Variants in ATP1B3 observed in about 807,000 individuals in gnomAD.
ATP1B3 encodes ATPase Na+/K+ transporting subunit beta 3, also known as sodium/potassium-transporting ATPase subunit beta-3.
A neutral mutation model predicts 30.2 loss-of-function variants in ATP1B3; 10 were observed. That is an observed-to-expected ratio of 0.33 (90% CI 0.20 to 0.56). The LOEUF (loss-of-function observed/expected upper bound fraction) is 0.56. Ranked by LOEUF, ATP1B3 falls within the 20% of genes least tolerant of loss-of-function variation. ATP1B3 has a pLI of 0.90. For missense variants in ATP1B3, 238 were observed against 336.7 expected, an observed-to-expected ratio of 0.71 and a Z score of 2.29; for synonymous variants, 113 against 117.0, an observed-to-expected ratio of 0.97 and a Z score of 0.22.
chr3:141,910,674 T>A (rs138928160), intron 3 of ATP1B3, among the ~76,000 whole-genome samples: 2 of 152,150 alleles, frequency 1.3e-5, no homozygotes, highest in Non-Finnish European at 2.9e-5. Flanking sequence ...CCTGCTGCAC[T>A]CTACTGTTTC....
intron 3 of ATP1B3, among the ~76,000 whole-genome samples, chr3:141,909,123 A>G (rs1385217178): frequency 6.6e-6 from 1 of 152,160 alleles, no homozygotes; most frequent in African/African-American, 2.4e-5. Context: ...TTCTGATCCC[A>G]CATTATCTAC....
chr3:141,900,277 A>G (rs1576394312), intron 1 of ATP1B3, among the ~76,000 whole-genome samples: 1 of 152,194 alleles, frequency 6.6e-6, no homozygotes, highest in East Asian at 1.9e-4. Context: ...AGACTGAGCT[A>G]TATTGTGTGG....
At chr3:141,924,962 T>TTAA (rs762256554) in intron 6 of ATP1B3, among the ~76,000 whole-genome samples, 30 of 150,678 alleles carry the variant, frequency 2.0e-4, no homozygotes, top group South Asian at 1.1e-3. Context: ...CACAAAAAAA[T>TTAA]TAATAATAAT....
At chr3:141,916,294 T>A (rs987467486) in intron 5 of ATP1B3, 1 of 490,002 alleles carries the variant, frequency 2.0e-6, no homozygotes, top group African/African-American at 1.9e-5. Context: ...TTCTGCCAGC[T>A]CAGTAACACT....
intron 5 of ATP1B3, 180 bp from the exon 6 acceptor site, chr3:141,921,797 A>G: frequency 8.8e-6 from 4 of 453,026 alleles, no homozygotes; most frequent in Non-Finnish European, 1.6e-5. Flanking sequence ...TTAGTTAGAT[A>G]ATATTTGCAA....
At chr3:141,903,964 A>G (rs1325557677) in intron 2 of ATP1B3, among the ~76,000 whole-genome samples, 1 of 152,062 alleles carries the variant, frequency 6.6e-6, no homozygotes, top group Non-Finnish European at 1.5e-5. Context: ...TTGTATTTTT[A>G]GTAGAGACAG....
intron 3 of ATP1B3, among the ~76,000 whole-genome samples, chr3:141,907,973 C>CT (rs34496773): frequency 8.7e-5 from 12 of 137,532 alleles, no homozygotes; most frequent in East Asian, 2.2e-4. Context: ...TATTTTATTT[C>CT]TTTTTTTTTG....
intron 1 of ATP1B3, among the ~76,000 whole-genome samples, chr3:141,900,828 G>C (rs1018291877): frequency 6.6e-6 from 1 of 152,122 alleles, no homozygotes; most frequent in Non-Finnish European, 1.5e-5. Context: ...TGTCACCCAG[G>C]TCGGAGTGCA....
intron 1 of ATP1B3, among the ~76,000 whole-genome samples, chr3:141,882,984 A>G (rs776631366): frequency 6.6e-6 from 1 of 152,160 alleles, no homozygotes; most frequent in Non-Finnish European, 1.5e-5. Flanking sequence ...GTTGTTCTCA[A>G]GGGCTCCTTA....
chr3:141,905,464 T>C (rs1934248138), intron 2 of ATP1B3, among the ~76,000 whole-genome samples: 1 of 152,210 alleles, frequency 6.6e-6, no homozygotes, highest in Non-Finnish European at 1.5e-5. Flanking sequence ...GAAGTGCCCT[T>C]ATCTAGATCC....
At chr3:141,897,062 C>CT (rs35698847) in intron 1 of ATP1B3, among the ~76,000 whole-genome samples, 1 of 152,148 alleles carries the variant, frequency 6.6e-6, no homozygotes, top group East Asian at 1.9e-4. Flanking sequence ...CCCAAGCTCC[C>CT]TGTTCCCACT....
chr3:141,881,044 A>C (rs538284279), intron 1 of ATP1B3, among the ~76,000 whole-genome samples: 1 of 152,290 alleles, frequency 6.6e-6, no homozygotes, highest in East Asian at 1.9e-4. Flanking sequence ...CTTTACTTAA[A>C]GTACAAAAAT....
At chr3:141,920,722 T>C (rs1934550930) in intron 5 of ATP1B3, among the ~76,000 whole-genome samples, 1 of 152,238 alleles carries the variant, frequency 6.6e-6, no homozygotes, top group African/African-American at 2.4e-5. Context: ...ATATAAAATG[T>C]TATCTTTGAT....
At chr3:141,892,674 A>C (rs924869874) in intron 1 of ATP1B3, among the ~76,000 whole-genome samples, 5 of 144,220 alleles carry the variant, frequency 3.5e-5, no homozygotes, top group African/African-American at 1.2e-4. Flanking sequence ...AAAAAAAAAA[A>C]AACAGTTATC....
intron 6 of ATP1B3, among the ~76,000 whole-genome samples, chr3:141,925,320 G>A (rs920374630): frequency 2.0e-5 from 3 of 152,078 alleles, no homozygotes; most frequent in African/African-American, 7.2e-5. Context: ...AAAATTAGTG[G>A]GCTGTGGCGG....
In ATP1B3 at chr3:141,876,765, C is replaced by CGCGGCCGCAGCTCCTCTCG. The variant is rs750737435; in HGVS notation, c.-36_-18dup. 2 of 1,548,372 alleles carry CGCGGCCGCAGCTCCTCTCG rather than the reference C, an allele frequency of 1.3e-6. No homozygotes were observed. The highest frequency in any genetic ancestry group is 8.8e-7 in the Non-Finnish European group (1 of 1,133,840). ...CCGCAGCCCTCGCCGCCTCCATCCC[C>CGCGGCCGCAGCTCCTCTCG]GCGGCCGCAGCTCCTCTCGCCGTCC... On this transcript the variant is annotated 5_prime_UTR_variant, in exon 1 of 7. Transcript: ENST00000286371.
At chr3:141,916,280 T>C (rs1223916291) in intron 5 of ATP1B3, 1 of 498,490 alleles carries the variant, frequency 2.0e-6, no homozygotes, top group African/African-American at 1.9e-5. Context: ...AAGATTCACT[T>C]TTTTTCTGCC....
chr3:141,909,551 G>A (rs1389263249), intron 3 of ATP1B3, among the ~76,000 whole-genome samples: 2 of 152,220 alleles, frequency 1.3e-5, no homozygotes, highest in African/African-American at 2.4e-5. Context: ...GAAAGAACTA[G>A]CCCTGGAAAT....
chr3:141,904,731 CA>C (rs1419568380), intron 2 of ATP1B3, among the ~76,000 whole-genome samples: 2 of 77,854 alleles, frequency 2.6e-5, no homozygotes, highest in East Asian at 9.2e-4. Context: ...TTTTTTGAGA[CA>C]GGGCTTTGCT....
Sources: gnomAD v4.1 joint callset for allele counts (sites outside exome capture counted in the v4.1 genomes callset) on GRCh38, gnomAD v4.1.1 for gene constraint, MANE v1.5 for transcripts, NCBI Gene and HGNC (gene_info 2026-07-23, HGNC 2026-07-21) for gene names.